The following CD244 variants were observed in gnomAD, a reference collection of about 807,000 sequenced individuals.
CD244 encodes the protein CD244 molecule.
Under a neutral mutation model 45.5 loss-of-function variants are expected in CD244, and 20 were observed. The observed-to-expected ratio is 0.44, with a 90% CI of 0.31 to 0.64. CD244 has a LOEUF of 0.64. CD244 is among the 30% of genes least tolerant of loss of function. The pLI, the probability that CD244 is intolerant of heterozygous loss-of-function variation, is 0.08. For synonymous variants in CD244, 185 were observed against 160.5 expected (o/e 1.15, Z -1.15); for missense variants, 407 against 426.9 (o/e 0.95, Z 0.41).
chr1:160,832,300 A>G (rs1475681759), intron 8 of CD244, among the ~76,000 whole-genome samples: 1 of 152,194 alleles, frequency 6.6e-6, no homozygotes, highest in African/African-American at 2.4e-5. Context: ...CCCAGTAAGT[A>G]TCATATCTAA....
rs372295297 is a variant in CD244, at chr1:160,859,059, GA to G, written c.61+3557del. Among the ~76,000 whole-genome samples, 11 of 152,272 alleles carry G rather than the reference GA, an allele frequency of 7.2e-5. No homozygotes were observed. In the South Asian group the frequency reaches 1.5e-3, roughly 20 times the overall value. ...CATAAATGGAGATGAGGACTATGGA[GA>G]AAAATTAAGTGGAGAGAGAGCTAAG... On this transcript the variant is annotated intron_variant, in intron 1 of 8. Coordinates refer to ENST00000368034, the MANE Select transcript of CD244 (RefSeq NM_016382.4).
rs1571084858 is a variant in CD244 at position 160,834,093 on chromosome 1, T to C, written c.918A>G (p.Glu306=). The change falls in exon 7 of 9, where the codon GAA becomes GAG. Residue 306 remains glutamate, a synonymous_variant. Coordinates refer to ENST00000368034, the MANE Select transcript of CD244 (RefSeq NM_016382.4). ...QSQSSAPTSQ[E]PAYTLYSLIQ... ...TTAATGAATATAATGTATATGCAGGTTCTTGTGACGTGGGAGCAGAAGACT... is the reference window on the plus strand; with the variant it reads ...TTAATGAATATAATGTATATGCAGGCTCTTGTGACGTGGGAGCAGAAGACT... 6 of 1,611,398 alleles carry C rather than the reference T, an allele frequency of 3.7e-6. No homozygotes were observed. The highest frequency in any genetic ancestry group is 5.1e-6 in the Non-Finnish European group (6 of 1,177,550).
intron 3 of CD244, among the ~76,000 whole-genome samples, chr1:160,840,211 C>T (rs902233596): frequency 6.6e-6 from 1 of 151,688 alleles, no homozygotes; most frequent in Non-Finnish European, 1.5e-5. Context: ...TCAAGTGATC[C>T]ACCTGCCTCA....
intron 1 of CD244, chr1:160,848,008 C>T (rs1044871259): frequency 4.4e-5 from 12 of 271,736 alleles, no homozygotes; most frequent in African/African-American, 2.2e-4. Context: ...TGCTATCAAC[C>T]GTAGTCAACC....
chr1:160,853,506 T>C (rs1472082806), intron 1 of CD244, among the ~76,000 whole-genome samples: 1 of 152,170 alleles, frequency 6.6e-6, no homozygotes, highest in Non-Finnish European at 1.5e-5. Flanking sequence ...TGCACACAGC[T>C]GTGAGTTGTA....
At chr1:160,858,885 T>C (rs1670198708) in intron 1 of CD244, among the ~76,000 whole-genome samples, 1 of 152,102 alleles carries the variant, frequency 6.6e-6, no homozygotes, top group Admixed American at 6.5e-5. Flanking sequence ...CTACTGAGGG[T>C]TGACTTGTGG....
intron 1 of CD244, among the ~76,000 whole-genome samples, chr1:160,854,772 G>A (rs750591425): frequency 4.6e-5 from 7 of 151,988 alleles, no homozygotes; most frequent in Non-Finnish European, 8.8e-5. Flanking sequence ...AAATTAGGCC[G>A]TTATATTTTA....
chr1:160,853,857 A>T (rs1397859403), intron 1 of CD244, among the ~76,000 whole-genome samples: 2 of 151,426 alleles, frequency 1.3e-5, no homozygotes, highest in African/African-American at 2.4e-5. Flanking sequence ...TGCAATATGG[A>T]ATGTGCTATG....
chr1:160,841,336 G>T lies in CD244; in HGVS notation c.529C>A (p.Leu177Ile). 2 of 1,614,200 alleles carry T rather than the reference G, an allele frequency of 1.2e-6. No individual in the cohort carries two copies. The change falls in exon 3 of 9, where the codon CTC becomes ATC. Residue 177 changes from leucine (L) to isoleucine (I), a missense_variant. By Grantham distance (5) the Leu-to-Ile change is conservative. Transcript: ENST00000368034. The stretch of plus-strand genomic sequence containing the variant: ...TCAACCTCCTCGTCCAGGTAGGTGA[G>T]GTTCCCTGCTGTCTGGATCAGCTTG... ...GSKLIQTAGN[L>I]TYLDEEVDIN...
chr1:160,859,394 C>T (rs1389018367), intron 1 of CD244, among the ~76,000 whole-genome samples: 1 of 152,172 alleles, frequency 6.6e-6, no homozygotes, highest in Non-Finnish European at 1.5e-5. Context: ...TTTCGCAATG[C>T]TCAAGAGTTA....
intron 7 of CD244, among the ~76,000 whole-genome samples, chr1:160,833,015 A>G (rs60513470): frequency 0.01 from 1,547 of 151,854 alleles, 22 homozygotes; most frequent in African/African-American, 0.036. Flanking sequence ...TAATGCAAAT[A>G]CTGCCCCAAA....
At position 160,831,396 on chromosome 1, in the gene CD244, G is replaced by C; in HGVS notation, c.1049C>G (p.Pro350Arg). ...CAGCTCTTTGCGGCTCAATCGAGCAGGGTTCTGGGCTTTAGGTTGACTCTT... is the reference window on the plus strand; with the variant it reads ...CAGCTCTTTGCGGCTCAATCGAGCACGGTTCTGGGCTTTAGGTTGACTCTT... ...IGKSQPKAQN[P>R]ARLSRKELEN... The change falls in exon 9 of 9, where the codon CCT becomes CGT. Residue 350 changes from proline to arginine, a missense_variant. Physicochemically the swap from Pro to Arg is moderately radical, Grantham distance 103. Coordinates refer to ENST00000368034, the MANE Select transcript of CD244 (RefSeq NM_016382.4). 6.2e-7 allele frequency: 1 copy of C among 1,614,180 alleles called. No individual in the cohort carries two copies.
intron 3 of CD244, 64 bp from the exon 4 acceptor site, chr1:160,839,113 C>T (rs1669444187): frequency 1.6e-6 from 2 of 1,241,392 alleles, no homozygotes; most frequent in South Asian, 2.7e-5. Context: ...TTCCCACCTG[C>T]CTGCTGCAGG....
At chr1:160,843,874 C>T (rs753532031) in intron 1 of CD244, among the ~76,000 whole-genome samples, 5 of 152,222 alleles carry the variant, frequency 3.3e-5, no homozygotes, top group Non-Finnish European at 5.9e-5. Context: ...GGCTGAGAAG[C>T]TGAGCAGAGC....
chr1:160,847,344 C>A lies in CD244; in HGVS notation c.62-5443G>T, dbSNP rs556673703. Among the ~76,000 whole-genome samples, 4 of 151,916 alleles carry A rather than the reference C, an allele frequency of 2.6e-5. No homozygotes were observed. In the South Asian group the frequency reaches 8.3e-4, roughly 31 times the overall value. On this transcript the variant is annotated intron_variant, in intron 1 of 8. Coordinates refer to ENST00000368034, the MANE Select transcript of CD244 (RefSeq NM_016382.4). ...TATAAGAATTTGAAGATCATTAAAC[C>A]AATATATATATAAATTATATATAAA...
rs995265366 is a variant in CD244 at position 160,830,594 on chromosome 1, A to C, written c.*753T>G. ...TGAAGAAGCCAAATGGATTTCTAAC[A>C]ATGCGTCTTCATAAATCAAACATCA... is the stretch of plus-strand genomic sequence containing the variant. On this transcript the variant is annotated 3_prime_UTR_variant, in exon 9 of 9. Transcript: ENST00000368034. The C allele has an allele frequency of 2.0e-5, 3 of 152,332 alleles. No individual in the cohort carries two copies. The highest frequency in any genetic ancestry group is 7.2e-5 in the African/African-American group (3 of 41,432). The allele number at this position is 152,332 out of a possible 1,614,324, so 9.4% of individuals were successfully genotyped here.
intron 5 of CD244, among the ~76,000 whole-genome samples, chr1:160,837,184 G>A (rs1352372149): frequency 1.4e-5 from 2 of 146,518 alleles, no homozygotes; most frequent in Admixed American, 1.3e-4. Context: ...GGCCAGGCAG[G>A]GAGGAGCTCT....
intron 1 of CD244, among the ~76,000 whole-genome samples, chr1:160,854,266 A>G (rs1450420048): frequency 6.6e-6 from 1 of 152,250 alleles, no homozygotes; most frequent in East Asian, 1.9e-4. Context: ...AAACTCCCAT[A>G]TAATCCACCA....
chr1:160,844,640 A>T (rs1669667522), intron 1 of CD244, among the ~76,000 whole-genome samples: 1 of 152,200 alleles, frequency 6.6e-6, no homozygotes, highest in Non-Finnish European at 1.5e-5. Flanking sequence ...AAGATATCAC[A>T]TGATACAGAG....
Sources: gnomAD v4.1 joint callset for allele counts (sites outside exome capture counted in the v4.1 genomes callset) on GRCh38, gnomAD v4.1.1 for gene constraint, MANE v1.5 for transcripts, NCBI Gene and HGNC (gene_info 2026-07-23, HGNC 2026-07-21) for gene names.